XK: variants seen among roughly 807,000 people sequenced by gnomAD.
XK encodes the protein X-linked Kx blood group antigen, Kell and VPS13A binding protein.
In XK, 2 loss-of-function variants were observed where a neutral mutation model predicts 14.0. The observed-to-expected ratio is 0.14, with a 90% CI of 0.06 to 0.45. The LOEUF (loss-of-function observed/expected upper bound fraction) is 0.45. XK is among the 20% of genes least tolerant of loss of function. XK has a pLI of 0.98. For missense variants in XK, 235 were observed against 341.5 expected, an observed-to-expected ratio of 0.69 and a Z score of 2.46; for synonymous variants, 149 against 147.5, an observed-to-expected ratio of 1.01 and a Z score of -0.08.
In XK at chrX:37,685,796, C is replaced by T. The variant is rs1177478183; in HGVS notation, c.-166C>T. 15 of 414,825 alleles carry T rather than the reference C, an allele frequency of 3.6e-5. No individual in the cohort carries two copies. Among genetic ancestry groups the T allele is most frequent in the African/African-American group, 3.0e-4 (11 of 36,458 alleles). The allele number at this position is 414,825 out of a possible 1,213,427, so 34.2% of individuals were successfully genotyped here. On this transcript the variant is annotated 5_prime_UTR_variant, in exon 1 of 3. Transcript: ENST00000378616. ...CCCCCACCAGGTCCAGTTCCAGAGC[C>T]CAGGCCGGTCGGCCGGGCCCGCGTG...
intron 1 of XK, among the ~76,000 whole-genome samples, chrX:37,688,064 T>C (rs1236743741): frequency 1.6e-4 from 15 of 91,391 alleles, no homozygotes; most frequent in African/African-American, 6.2e-4. Context: ...TCTTTCTTTT[T>C]TTTTTTTTTT....
intron 1 of XK, among the ~76,000 whole-genome samples, chrX:37,691,453 T>C (rs1355179574): frequency 8.9e-6 from 1 of 112,436 alleles, no homozygotes; most frequent in Non-Finnish European, 1.9e-5. Flanking sequence ...GTTGTATATC[T>C]TTACTAATAT....
At chrX:37,708,261 G>A (rs1556445895) in intron 2 of XK, among the ~76,000 whole-genome samples, 3 of 111,659 alleles carry the variant, frequency 2.7e-5, no homozygotes, top group African/African-American at 9.8e-5. Flanking sequence ...TTATAAGGGA[G>A]AGGCAGCAGC....
Position 37,694,532 on chromosome X carries a change from C to T in XK, c.492C>T (p.Asp164=), listed in dbSNP as rs782508500. The T allele has an allele frequency of 3.4e-5, 41 of 1,189,799 alleles. No individual in the cohort carries two copies. The South Asian group carries it at 6.6e-4, about 19-fold the overall frequency. ...LQLYISVMQQ[D]VTVGRSLLMT... ...TGTACATAAGTGTCATGCAGCAGGACGTCACTGTTGGAAGAAGTACGTGTA... is the reference window on the plus strand; with the variant it reads ...TGTACATAAGTGTCATGCAGCAGGATGTCACTGTTGGAAGAAGTACGTGTA... The change falls in exon 2 of 3, where the codon GAC becomes GAT. Residue 164 remains aspartate, a synonymous_variant. Transcript: ENST00000378616.
At chrX:37,691,304 T>C (rs1201769755) in intron 1 of XK, among the ~76,000 whole-genome samples, 2 of 112,871 alleles carry the variant, frequency 1.8e-5, no homozygotes, top group Admixed American at 1.9e-4. Flanking sequence ...TGTTTTAGTC[T>C]TTCAAAACTC....
chrX:37,690,390 A>G (rs1228794815), intron 1 of XK, among the ~76,000 whole-genome samples: 1 of 112,473 alleles, frequency 8.9e-6, no homozygotes, highest in Admixed American at 9.4e-5. Context: ...TGGAAATTAT[A>G]GTATTTCTTT....
intron 2 of XK, among the ~76,000 whole-genome samples, chrX:37,696,528 A>AC (rs1218488966): frequency 8.9e-6 from 1 of 112,341 alleles, no homozygotes; most frequent in Non-Finnish European, 1.9e-5. Flanking sequence ...GTCTTGACTA[A>AC]CCCCAATCAC....
intron 1 of XK, 122 bp downstream of exon 1, chrX:37,686,328 C>T: frequency 1.8e-6 from 2 of 1,119,952 alleles, no homozygotes; most frequent in South Asian, 2.0e-5. Flanking sequence ...AGCCCCAAGC[C>T]GGTCCGCCAT....
chrX:37,704,606 C>A (rs185548202), intron 2 of XK, among the ~76,000 whole-genome samples: 7 of 111,362 alleles, frequency 6.3e-5, no homozygotes, highest in African/African-American at 2.3e-4. Context: ...GAGGCCAAGG[C>A]AGGTGGATAG....
intron 2 of XK, among the ~76,000 whole-genome samples, chrX:37,698,485 C>G (rs1040684940): frequency 9.9e-6 from 1 of 101,223 alleles, no homozygotes; most frequent in Non-Finnish European, 2.0e-5. Flanking sequence ...TGCCTGTGGT[C>G]CCAGCTACTT....
At position 37,721,260 on chromosome X, in the gene XK, T is replaced by C. The variant is rs191074657; in HGVS notation, c.509-6376T>C. Among the ~76,000 whole-genome samples, 8 of 111,520 alleles carry C rather than the reference T, an allele frequency of 7.2e-5. No homozygotes were observed. The East Asian group carries it at 2.2e-3, about 31-fold the overall frequency. On this transcript the variant is annotated intron_variant, in intron 2 of 2. Transcript: ENST00000378616. ...GCATTAATTTGCATTTTCTGATGAT[T>C]AGTGATGTTGAGCATTTTTAACATT...
chrX:37,702,592 A>G (rs1177169860), intron 2 of XK, among the ~76,000 whole-genome samples: 1 of 111,877 alleles, frequency 8.9e-6, no homozygotes, highest in East Asian at 2.8e-4. Context: ...AGGAGGGTAC[A>G]CATGATTACA....
intron 2 of XK, among the ~76,000 whole-genome samples, chrX:37,708,741 G>A (rs1927601380): frequency 8.9e-6 from 1 of 112,073 alleles, no homozygotes; most frequent in Non-Finnish European, 1.9e-5. Context: ...TCAATACTGA[G>A]CCAGATTTGG....
At chrX:37,727,127 C>T (rs1556450180) in intron 2 of XK, among the ~76,000 whole-genome samples, 2 of 110,965 alleles carry the variant, frequency 1.8e-5, no homozygotes, top group African/African-American at 6.5e-5. Context: ...CTGAAGCAGG[C>T]CCTACGAGAA....
rs781999271 is a variant in XK at position 37,685,976 on chromosome X, C to G, written c.15C>G (p.Ala5=). 1 of 1,207,256 alleles carries G rather than the reference C, an allele frequency of 8.3e-7. No individual in the cohort carries two copies. Among genetic ancestry groups the G allele is most frequent in the Non-Finnish European group, 1.1e-6 (1 of 894,028 alleles). ...GACGCGCGGAGATGAAATTCCCGGC[C>G]TCGGTGCTGGCGTCCGTGTTCCTGT... MKFP[A]SVLASVFLFV... The change falls in exon 1 of 3, where the codon GCC becomes GCG. Residue 5 remains alanine (A), a synonymous_variant. Coordinates refer to ENST00000378616, the MANE Select transcript of XK (RefSeq NM_021083.4).
intron 2 of XK, among the ~76,000 whole-genome samples, chrX:37,713,441 G>T (rs1427640461): frequency 9.0e-6 from 1 of 111,603 alleles, no homozygotes; most frequent in Non-Finnish European, 1.9e-5. Context: ...TTCAAGAAGA[G>T]AAGATATAGA....
intron 2 of XK, 151 bp downstream of exon 2, chrX:37,694,699 A>G (rs1927275186): frequency 2.2e-6 from 2 of 897,967 alleles, no homozygotes; most frequent in African/African-American, 4.0e-5. Flanking sequence ...AATTAAAATA[A>G]CAACGTTTAT....
intron 1 of XK, among the ~76,000 whole-genome samples, chrX:37,690,580 G>A (rs1333583568): frequency 9.0e-6 from 1 of 111,141 alleles, no homozygotes; most frequent in Non-Finnish European, 1.9e-5. Context: ...ATCTACATTG[G>A]GGTTAGCAAA....
chrX:37,715,925 A>G (rs1927757325), intron 2 of XK, among the ~76,000 whole-genome samples: 1 of 110,903 alleles, frequency 9.0e-6, no homozygotes, highest in East Asian at 2.8e-4. Flanking sequence ...AAGAGTTTTC[A>G]CTTAGGTTTG....
Sources: gnomAD v4.1 joint callset for allele counts (sites outside exome capture counted in the v4.1 genomes callset) on GRCh38, gnomAD v4.1.1 for gene constraint, MANE v1.5 for transcripts, NCBI Gene and HGNC (gene_info 2026-07-23, HGNC 2026-07-21) for gene names.